The following PCDHGA6 variants were observed in gnomAD, a reference collection of about 807,000 sequenced individuals.
PCDHGA6 encodes protocadherin gamma-A6.
PCDHGA6 carries 41 observed loss-of-function variants against 60.6 expected under a neutral mutation model. The ratio of observed to expected loss-of-function variants is 0.68; its 90% CI spans 0.53 to 0.88. The LOEUF is 0.88. Ranked by LOEUF, PCDHGA6 falls within the 40% of genes least tolerant of loss-of-function variation. PCDHGA6 has a pLI of 0.00. For synonymous variants in PCDHGA6, 594 were observed against 524.4 expected (o/e 1.13, Z -1.81); for missense variants, 1,312 against 1,203.0 (o/e 1.09, Z -1.34).
intron 1 of PCDHGA6, among the ~76,000 whole-genome samples, chr5:141,456,306 G>A (rs937409031): frequency 4.6e-5 from 7 of 152,158 alleles, no homozygotes; most frequent in Admixed American, 2.6e-4. Context: ...GAGAACAGCA[G>A]CTAGGGCTCC....
rs2154586748 is a variant in PCDHGA6 at position 141,491,733 on chromosome 5, T to A, written c.2425-3074T>A. The A allele has an allele frequency of 6.2e-7, 1 of 1,602,698 alleles. No individual in the cohort carries two copies. Among genetic ancestry groups the A allele is most frequent in the Non-Finnish European group, 8.5e-7 (1 of 1,175,258 alleles). On this transcript the variant is annotated intron_variant, in intron 1 of 3. Transcript: ENST00000517434. The surrounding 1 kb of genome is among the most constrained non-coding windows in gnomAD (Gnocchi z 6.9). ...GCTCGGCGCCGCCCCGGGCGACCCC[T>A]GGGGGCGGCACTGGAGAAGCCGCCC...
intron 1 of PCDHGA6, chr5:141,428,308 G>A (rs2097132099): frequency 1.5e-6 from 1 of 685,734 alleles, no homozygotes; most frequent in Non-Finnish European, 2.6e-6. Context: ...TTACCTGGTC[G>A]TGGCCTTGGC....
At chr5:141,389,462 C>G in intron 1 of PCDHGA6, 1 of 1,613,316 alleles carries the variant, frequency 6.2e-7, no homozygotes, top group East Asian at 2.2e-5. Flanking sequence ...TGCGCGCCTT[C>G]GAACTCACAC....
chr5:141,494,705 G>C, intron 1 of PCDHGA6, 102 bp from the exon 2 acceptor site: 1 of 1,597,990 alleles, frequency 6.3e-7, no homozygotes, highest in Non-Finnish European at 8.6e-7. Flanking sequence ...TTTCTTCTCT[G>C]TGCCCACTCC....
chr5:141,402,942 G>A, intron 1 of PCDHGA6: 1 of 1,591,382 alleles, frequency 6.3e-7, no homozygotes, highest in Non-Finnish European at 8.6e-7. Flanking sequence ...AAATTCCAAA[G>A]CGAGGCAGCA....
At chr5:141,400,015 G>T (rs747874428) in intron 1 of PCDHGA6, 6 of 1,612,768 alleles carry the variant, frequency 3.7e-6, no homozygotes, top group Non-Finnish European at 4.2e-6. Flanking sequence ...TGCCTTGGGC[G>T]ACAGGGACGC....
At chr5:141,413,855 C>G (rs2095686270) in intron 1 of PCDHGA6, 1 of 1,613,206 alleles carries the variant, frequency 6.2e-7, no homozygotes, top group African/African-American at 1.3e-5. Flanking sequence ...CCTCTCCGAT[C>G]TGGCACTGTC....
chr5:141,403,377 T>G lies in PCDHGA6; in HGVS notation c.2424+26870T>G. 6.2e-7 allele frequency: 1 copy of G among 1,614,016 alleles called. No homozygotes were observed. The highest frequency in any genetic ancestry group is 8.5e-7 in the Non-Finnish European group (1 of 1,179,900). On this transcript the variant is annotated intron_variant, in intron 1 of 3. Transcript: ENST00000517434. ...CAGGCCGAAAGTCTGGAAGTAAAAA[T>G]TAACGAAATCGCGGTTCCTGGAGCA... is the stretch of plus-strand genomic sequence containing the variant.
Position 141,487,243 on chromosome 5 carries a change from C to T in PCDHGA6, c.2425-7564C>T. 1 of 1,614,114 alleles carries T rather than the reference C, an allele frequency of 6.2e-7. No individual in the cohort carries two copies. The highest frequency in any genetic ancestry group is 8.5e-7 in the Non-Finnish European group (1 of 1,180,000). Reference sequence around the variant, plus strand: ...CAAGGGAAGGAGAATCTCGTCTAACCCTCTACTTGGCTGTGTCCCTAGTGG... The same window carrying T: ...CAAGGGAAGGAGAATCTCGTCTAACTCTCTACTTGGCTGTGTCCCTAGTGG... On this transcript the variant is annotated intron_variant, in intron 1 of 3. Coordinates refer to ENST00000517434, the MANE Select transcript of PCDHGA6 (RefSeq NM_018919.3). The surrounding 1 kb of genome is among the most constrained non-coding windows in gnomAD (Gnocchi z 5.0).
At chr5:141,419,918 G>C (rs370039875) in intron 1 of PCDHGA6, 30 of 1,613,978 alleles carry the variant, frequency 1.9e-5, no homozygotes, top group Non-Finnish European at 2.5e-5. Flanking sequence ...CTCCCAGGCT[G>C]AGATGCAGTT....
intron 1 of PCDHGA6, chr5:141,408,003 C>A: frequency 3.3e-6 from 3 of 917,520 alleles, no homozygotes; most frequent in Non-Finnish European, 4.7e-6. Context: ...GCCTGGGATT[C>A]CCTGCGCAGC....
At chr5:141,423,357 C>A in intron 1 of PCDHGA6, 1 of 1,614,214 alleles carries the variant, frequency 6.2e-7, no homozygotes, top group Non-Finnish European at 8.5e-7. Flanking sequence ...TCTTTGTCAT[C>A]GTGCTGCTGG....
In PCDHGA6 at chr5:141,413,958, G is replaced by A. The variant is rs774080265; in HGVS notation, c.2424+37451G>A. On this transcript the variant is annotated intron_variant, in intron 1 of 3. Coordinates refer to ENST00000517434, the MANE Select transcript of PCDHGA6 (RefSeq NM_018919.3). ...TGAGTGTTCCTGAGAATTTGCCTGT[G>A]GGCACTCAGCTGCTGACAGTCACAG... The A allele has an allele frequency of 5.0e-6, 8 of 1,613,276 alleles. No individual in the cohort carries two copies. In the South Asian group the frequency reaches 6.6e-5, roughly 13 times the overall value.
At chr5:141,462,503 A>G (rs1338834436) in intron 1 of PCDHGA6, among the ~76,000 whole-genome samples, 1 of 152,060 alleles carries the variant, frequency 6.6e-6, no homozygotes, top group East Asian at 1.9e-4. Context: ...ATAATTGTCA[A>G]CTAGATCAAG....
chr5:141,486,090 G>T lies in PCDHGA6; in HGVS notation c.2425-8717G>T, dbSNP rs190955361. 2.5e-6 allele frequency: 4 copies of T among 1,614,086 alleles called. No individual in the cohort carries two copies. In the East Asian group the frequency reaches 8.9e-5, roughly 36 times the overall value. On this transcript the variant is annotated intron_variant, in intron 1 of 3. Transcript: ENST00000517434. This position sits in a 1 kb window ranked among gnomAD's most constrained non-coding sequence, Gnocchi z 5.0. Reference sequence around the variant, plus strand: ...ACTACTGGAAAGCTTACTCTTTTGGGGCCCCTAGACTTTGAGAGTGAGAAT... The same window carrying T: ...ACTACTGGAAAGCTTACTCTTTTGGTGCCCCTAGACTTTGAGAGTGAGAAT...
chr5:141,419,395 G>T (rs374575981), intron 1 of PCDHGA6: 50 of 1,613,478 alleles, frequency 3.1e-5, no homozygotes, highest in Non-Finnish European at 4.0e-5. Flanking sequence ...CGCAGAGCGG[G>T]GTGGTGTTCG....
chr5:141,494,182 C>T (rs188628485), intron 1 of PCDHGA6, among the ~76,000 whole-genome samples: 132 of 152,244 alleles, frequency 8.7e-4, no homozygotes, highest in African/African-American at 3.1e-3. Flanking sequence ...AGAAGTGTCC[C>T]GGGACTTGGA....
At chr5:141,380,092 G>A (rs1776209529) in intron 1 of PCDHGA6, among the ~76,000 whole-genome samples, 1 of 151,708 alleles carries the variant, frequency 6.6e-6, no homozygotes, top group African/African-American at 2.4e-5. Context: ...TAGAGATGGG[G>A]TTTTACCATG....
chr5:141,423,317 C>T, intron 1 of PCDHGA6: 4 of 1,614,118 alleles, frequency 2.5e-6, no homozygotes, highest in Non-Finnish European at 3.4e-6. Flanking sequence ...TTGGTGGTGG[C>T]GGTGGCCGCA....
Sources: gnomAD v4.1 joint callset for allele counts (sites outside exome capture counted in the v4.1 genomes callset) on GRCh38, gnomAD v4.1.1 for gene constraint, Gnocchi (gnomAD v3.1) non-coding constraint, MANE v1.5 for transcripts, NCBI Gene and HGNC (gene_info 2026-07-23, HGNC 2026-07-21) for gene names.